Variants in RCAN3 observed in about 807,000 individuals in gnomAD.
RCAN3 encodes the protein regulator of calcineurin 3, also known as calcipressin-3.
RCAN3 carries 19 observed loss-of-function variants against 21.9 expected under a neutral mutation model. That is an observed-to-expected ratio of 0.87 (90% CI 0.61 to 1.27). RCAN3 has a LOEUF of 1.27. Ranked by LOEUF, RCAN3 falls within the 50% of genes most tolerant of loss-of-function variation. The pLI is 0.00. For missense variants in RCAN3, 240 were observed against 300.1 expected, an observed-to-expected ratio of 0.80 and a Z score of 1.48; for synonymous variants, 114 against 112.3, an observed-to-expected ratio of 1.01 and a Z score of -0.09.
At chr1:24,530,924 C>G (rs1234726570) in intron 2 of RCAN3, among the ~76,000 whole-genome samples, 2 of 152,118 alleles carry the variant, frequency 1.3e-5, no homozygotes, top group East Asian at 3.9e-4. Context: ...GCAGGAAAAT[C>G]ACTTGAATCC....
Position 24,525,762 on chromosome 1 carries a change from C to T in RCAN3, c.196-5456C>T, listed in dbSNP as rs1474345380. On this transcript the variant is annotated intron_variant, in intron 2 of 4. Transcript: ENST00000374395. The surrounding 1 kb of genome is among the most constrained non-coding windows in gnomAD (Gnocchi z 4.1). The stretch of plus-strand genomic sequence containing the variant: ...TCCATTTTCATAGATTATGTCCTTC[C>T]CCTGCCGTCTGCAATCTTCTAAATC... Among the ~76,000 whole-genome samples the T allele has an allele frequency of 3.3e-5, 5 of 152,096 alleles. No individual in the cohort carries two copies. The highest frequency in any genetic ancestry group is 1.2e-4 in the African/African-American group (5 of 41,398).
At chr1:24,512,778 A>G (rs548114454) in intron 1 of RCAN3, among the ~76,000 whole-genome samples, 3 of 152,312 alleles carry the variant, frequency 2.0e-5, no homozygotes, top group Admixed American at 2.0e-4. Context: ...GCATCTTGAA[A>G]TGTGTCATGT....
At chr1:24,534,068 A>G (rs1205079312) in intron 4 of RCAN3, among the ~76,000 whole-genome samples, 2 of 151,684 alleles carry the variant, frequency 1.3e-5, no homozygotes, top group East Asian at 3.9e-4. Flanking sequence ...TACTTTCTCT[A>G]CCTCTCTTCC....
At chr1:24,514,146 C>T (rs1648104078) in intron 1 of RCAN3, among the ~76,000 whole-genome samples, 168 bp from the exon 2 acceptor site, 1 of 152,080 alleles carries the variant, frequency 6.6e-6, no homozygotes, top group South Asian at 2.1e-4. Flanking sequence ...ATCAAATTAG[C>T]GTATCTAGAA....
chr1:24,522,067 G>T (rs894587953), intron 2 of RCAN3, among the ~76,000 whole-genome samples: 1 of 151,904 alleles, frequency 6.6e-6, no homozygotes, highest in African/African-American at 2.4e-5. Context: ...TTTGTGTTTT[G>T]TATATTTGAC....
At chr1:24,517,025 GTTAAAA>G (rs1648376213) in intron 2 of RCAN3, among the ~76,000 whole-genome samples, 2 of 151,440 alleles carry the variant, frequency 1.3e-5, no homozygotes, top group Non-Finnish European at 2.9e-5. Context: ...GCCAATTTAT[GTTAAAA>G]TTATATATGT....
At chr1:24,522,784 A>G (rs1557572873) in intron 2 of RCAN3, among the ~76,000 whole-genome samples, 2 of 152,164 alleles carry the variant, frequency 1.3e-5, no homozygotes, top group East Asian at 1.9e-4. Context: ...CAGACTCTCA[A>G]AATAAAAAAG....
intron 2 of RCAN3, among the ~76,000 whole-genome samples, chr1:24,519,134 C>T (rs566094303): frequency 3.6e-4 from 54 of 152,020 alleles, no homozygotes; most frequent in African/African-American, 1.1e-3. Flanking sequence ...TGGTCTCAAA[C>T]TCTCGACTTC....
chr1:24,510,259 A>C (rs990203213), intron 1 of RCAN3, among the ~76,000 whole-genome samples: 3 of 152,236 alleles, frequency 2.0e-5, no homozygotes, highest in African/African-American at 7.2e-5. Context: ...CAAAAGAGTC[A>C]GCCTGTCCTT....
In RCAN3 at chr1:24,514,360, A is replaced by T. The variant is rs1466111561; in HGVS notation, c.-13A>T. On this transcript the variant is annotated 5_prime_UTR_variant, in exon 2 of 5. Coordinates refer to ENST00000374395, the MANE Select transcript of RCAN3 (RefSeq NM_013441.4). ...AGGACTATACAGAAGGAAAAGGCCCACTTTGGGGGATAATGCTGAGGGACA... is the reference window on the plus strand; with the variant it reads ...AGGACTATACAGAAGGAAAAGGCCCTCTTTGGGGGATAATGCTGAGGGACA... 7 of 1,606,816 alleles carry T rather than the reference A, an allele frequency of 4.4e-6. No individual in the cohort carries two copies. The highest frequency in any genetic ancestry group is 6.0e-6 in the Non-Finnish European group (7 of 1,176,270).
rs1650278188 is a variant in RCAN3, at chr1:24,537,116, T to TA, written c.*1840dup. 1 of 152,184 alleles carries TA rather than the reference T, an allele frequency of 6.6e-6. No homozygotes were observed. 9.4% of individuals were successfully genotyped at this position (152,184 alleles called of 1,614,324 possible). ...ATTTTTTGAATTTCCTTTTAGGTAA[T>TA]ATTGATTCACTGTAATTTTCTAAGT... On this transcript the variant is annotated 3_prime_UTR_variant, in exon 5 of 5. Coordinates refer to ENST00000374395, the MANE Select transcript of RCAN3 (RefSeq NM_013441.4).
At chr1:24,504,566 C>T (rs1298729254) in intron 1 of RCAN3, among the ~76,000 whole-genome samples, 1 of 152,222 alleles carries the variant, frequency 6.6e-6, no homozygotes, top group Non-Finnish European at 1.5e-5. Context: ...AGGTTTCAAA[C>T]ATGTGAACAT....
Position 24,537,538 on chromosome 1 carries a change from C to T in RCAN3, c.*2261C>T, listed in dbSNP as rs1650296187. The T allele has an allele frequency of 6.6e-6, 1 of 151,976 alleles. No homozygotes were observed. Among genetic ancestry groups the T allele is most frequent in the Non-Finnish European group, 1.5e-5 (1 of 68,004 alleles). The allele number at this position is 151,976 out of a possible 1,614,324, so 9.4% of individuals were successfully genotyped here. A position where few individuals can be genotyped will look rare whatever the true frequency, so the allele number is the denominator to read the frequency against. On this transcript the variant is annotated 3_prime_UTR_variant, in exon 5 of 5. Coordinates refer to ENST00000374395, the MANE Select transcript of RCAN3 (RefSeq NM_013441.4). ...TAACAAATTTACAAGAGATAAGTCT[C>T]ATGGTTTTTTTTTTCTTTTAATAGG... is the stretch of plus-strand genomic sequence containing the variant.
chr1:24,524,729 C>A (rs915524052), intron 2 of RCAN3, among the ~76,000 whole-genome samples: 2 of 152,066 alleles, frequency 1.3e-5, no homozygotes, highest in Non-Finnish European at 2.9e-5. Flanking sequence ...AAATCTCTTG[C>A]CTTAGGATGC....
intron 1 of RCAN3, among the ~76,000 whole-genome samples, chr1:24,513,636 A>G (rs1184777977): frequency 6.6e-6 from 1 of 152,154 alleles, no homozygotes; most frequent in African/African-American, 2.4e-5. Flanking sequence ...CAGCCTGGGC[A>G]ACACAACACG....
chr1:24,515,870 C>A (rs376136252), intron 2 of RCAN3, among the ~76,000 whole-genome samples: 3 of 152,176 alleles, frequency 2.0e-5, no homozygotes, highest in South Asian at 4.2e-4. Flanking sequence ...AGTGGCCGGG[C>A]GTGGTGGCTC....
chr1:24,523,408 A>C (rs1247183042), intron 2 of RCAN3, among the ~76,000 whole-genome samples: 1 of 152,076 alleles, frequency 6.6e-6, no homozygotes, highest in East Asian at 1.9e-4. Flanking sequence ...AGCTGTTAGA[A>C]CGAATAAGTG....
chr1:24,532,195 C>T (rs1649816669), intron 3 of RCAN3, among the ~76,000 whole-genome samples: 1 of 151,744 alleles, frequency 6.6e-6, no homozygotes. Flanking sequence ...GTTCATTTCT[C>T]TCTTCATCCA....
intron 2 of RCAN3, among the ~76,000 whole-genome samples, chr1:24,515,308 G>T (rs1211975301): frequency 6.6e-6 from 1 of 152,116 alleles, no homozygotes; most frequent in Non-Finnish European, 1.5e-5. Context: ...GACTATTTAT[G>T]ATTTTGTCGT....
Sources: gnomAD v4.1 joint callset for allele counts (sites outside exome capture counted in the v4.1 genomes callset) on GRCh38, gnomAD v4.1.1 for gene constraint, Gnocchi (gnomAD v3.1) non-coding constraint, MANE v1.5 for transcripts, NCBI Gene and HGNC (gene_info 2026-07-23, HGNC 2026-07-21) for gene names.